BLTP1: variants seen among roughly 807,000 people sequenced by gnomAD.
The protein encoded by BLTP1 is bridge-like lipid transfer protein family member 1, also known as fragile site-associated protein.
At chr4:122,174,430 C>G in the BLTP1 span, 2 of 1,391,396 alleles carry the variant, frequency 1.4e-6, no homozygotes, top group Non-Finnish European at 1.9e-6. Context: ...GATGGAAAAT[C>G]AGTAAGGCTG....
chr4:122,259,876 A>T, the BLTP1 span: 1 of 921,184 alleles, frequency 1.1e-6, no homozygotes, highest in East Asian at 1.2e-4. Context: ...AAAAATTTTA[A>T]CTTTCTTTGA....
the BLTP1 span, chr4:122,167,793 T>C: frequency 2.0e-6 from 2 of 985,318 alleles, no homozygotes; most frequent in African/African-American, 1.7e-5. Flanking sequence ...CTCTTCCCCA[T>C]GTGCAGACGC....
chr4:122,211,277 A>G, the BLTP1 span, among the ~76,000 whole-genome samples: 1 of 152,046 alleles, frequency 6.6e-6, no homozygotes, highest in South Asian at 2.1e-4. Context: ...TAAAAATAGT[A>G]CTCCTCAGTT....
the BLTP1 span, among the ~76,000 whole-genome samples, chr4:122,346,194 T>C: frequency 2.6e-5 from 4 of 152,170 alleles, no homozygotes; most frequent in Non-Finnish European, 5.9e-5. Flanking sequence ...GCCATCAAAA[T>C]GTTTTTTGTC....
chr4:122,209,278 T>C, the BLTP1 span: 53 of 1,612,900 alleles, frequency 3.3e-5, no homozygotes, highest in Non-Finnish European at 4.4e-5. Flanking sequence ...GTATTCCTGC[T>C]GAGTGTCAAA....
chr4:122,336,395 G>GGGGA, the BLTP1 span: 1 of 1,342,236 alleles, frequency 7.5e-7, no homozygotes, highest in Non-Finnish European at 1.0e-6. Context: ...CATATATTTT[G>GGGGA]GGATCTTATT....
chr4:122,325,486 T>G, the BLTP1 span: 3 of 984,990 alleles, frequency 3.0e-6, no homozygotes, highest in Admixed American at 1.9e-4. Context: ...ACTGCCCTTA[T>G]AACATTTTCT....
chr4:122,346,858 A>C, the BLTP1 span: 29 of 1,521,724 alleles, frequency 1.9e-5, no homozygotes, highest in Non-Finnish European at 2.5e-5. Context: ...GTACCATGTG[A>C]TGCGTTCAGT....
chr4:122,231,522 G>T, the BLTP1 span: 1 of 396,332 alleles, frequency 2.5e-6, no homozygotes, highest in Non-Finnish European at 3.4e-6. Flanking sequence ...TGTGATCTCT[G>T]TTGCTAGTAT....
the BLTP1 span, chr4:122,169,617 C>A: frequency 3.1e-6 from 3 of 959,190 alleles, no homozygotes; most frequent in Non-Finnish European, 3.7e-6. Flanking sequence ...TTCCTTTTTT[C>A]TTATTGTTGG....
chr4:122,192,848 T>C, the BLTP1 span, among the ~76,000 whole-genome samples: 1 of 152,204 alleles, frequency 6.6e-6, no homozygotes, highest in African/African-American at 2.4e-5. Flanking sequence ...CTTAGAAAAG[T>C]ACTCTACTAG....
the BLTP1 span, chr4:122,281,961 A>C: frequency 1.0e-6 from 1 of 984,634 alleles, no homozygotes; most frequent in African/African-American, 1.7e-5. Flanking sequence ...AAAACCTTGA[A>C]TGACCAGAAT....
the BLTP1 span, chr4:122,192,320 G>A: frequency 6.2e-7 from 1 of 1,613,636 alleles, no homozygotes; most frequent in Non-Finnish European, 8.5e-7. Context: ...GTTGGGGACT[G>A]GATATAGTTT....
At chr4:122,303,547 G>C in the BLTP1 span, among the ~76,000 whole-genome samples, 1 of 152,214 alleles carries the variant, frequency 6.6e-6, no homozygotes, top group South Asian at 2.1e-4. Context: ...TCTGGGCAAA[G>C]TAAATTGAAA....
the BLTP1 span, chr4:122,174,373 C>T: frequency 4.8e-5 from 47 of 974,150 alleles, no homozygotes; most frequent in Non-Finnish European, 5.6e-5. Context: ...TAGCTTACTT[C>T]ATAGTGATCA....
At chr4:122,284,090 A>G in the BLTP1 span, among the ~76,000 whole-genome samples, 2 of 152,196 alleles carry the variant, frequency 1.3e-5, no homozygotes, top group African/African-American at 4.8e-5. Context: ...TAGCTATTAC[A>G]AATGTTATCT....
the BLTP1 span, chr4:122,162,607 C>T: frequency 3.0e-6 from 3 of 985,042 alleles, no homozygotes; most frequent in African/African-American, 5.2e-5. Flanking sequence ...GTCCTCTCAT[C>T]CATAATTCCT....
At chr4:122,356,106 C>G in the BLTP1 span, 1 of 749,452 alleles carries the variant, frequency 1.3e-6, no homozygotes, top group Admixed American at 3.2e-5. Context: ...ATTTTCTAGG[C>G]AAAATTGATT....
the BLTP1 span, among the ~76,000 whole-genome samples, chr4:122,297,833 C>G: frequency 1.3e-5 from 2 of 152,200 alleles, no homozygotes; most frequent in African/African-American, 4.8e-5. Flanking sequence ...TGCATGTTCT[C>G]ACTTATCAGT....
Sources: allele counts gnomAD v4.1 joint callset (sites outside exome capture counted in the v4.1 genomes callset), GRCh38; gene constraint gnomAD v4.1.1; transcripts MANE v1.5; gene names NCBI Gene and HGNC (gene_info 2026-07-23, HGNC 2026-07-21).